The following TVP23A variants were observed in gnomAD, a reference collection of about 807,000 sequenced individuals.
TVP23A encodes trans-golgi network vesicle protein 23 homolog A.
Under a neutral mutation model 31.7 loss-of-function variants are expected in TVP23A, and 21 were observed. That is an observed-to-expected ratio of 0.66 (90% CI 0.47 to 0.95). The LOEUF (loss-of-function observed/expected upper bound fraction) is 0.95, where lower values mean the gene tolerates loss of function less well. Among genes scored for constraint, TVP23A ranks in the 40% least tolerant of loss-of-function variants. The pLI is 0.00. For missense variants in TVP23A, 279 were observed against 255.6 expected, an observed-to-expected ratio of 1.09 and a Z score of -0.62; for synonymous variants, 104 against 96.0, an observed-to-expected ratio of 1.08 and a Z score of -0.49.
chr16:10,808,582 G>A (rs1289282629), intron 2 of TVP23A: 4 of 454,924 alleles, frequency 8.8e-6, no homozygotes, highest in East Asian at 7.0e-5. Flanking sequence ...GGATCACTGA[G>A]GCTAGGAGTT....
At chr16:10,757,808 A>AT, downstream of TVP23A, 1 of 1,562,960 alleles carries the variant, frequency 6.4e-7, no homozygotes, top group Non-Finnish European at 8.7e-7. The surrounding 1 kb of genome is among the most constrained non-coding windows in gnomAD (Gnocchi z 4.1). Flanking sequence ...TAAAAAAAAA[A>AT]GAGGGAGTTG....
chr16:10,805,230 C>T (rs2033888873), intron 2 of TVP23A, among the ~76,000 whole-genome samples: 1 of 151,838 alleles, frequency 6.6e-6, no homozygotes, highest in African/African-American at 2.4e-5. Flanking sequence ...CAGGGTTTCA[C>T]CATGTTGGCT....
In TVP23A at chr16:10,792,658, G is replaced by A. The variant is rs1340098957; in HGVS notation, c.90-17562C>T. ...AGGTCCCTATAAACCCTTCAGGAACGCCGTGGGGCCTGCACTAACCCAGGG... is the reference window on the plus strand; with the variant it reads ...AGGTCCCTATAAACCCTTCAGGAACACCGTGGGGCCTGCACTAACCCAGGG... On this transcript the variant is annotated intron_variant, in intron 2 of 7. Coordinates refer to ENST00000299866, the MANE Select transcript of TVP23A (RefSeq NM_001079512.4). 6.6e-5 allele frequency among the ~76,000 whole-genome samples: 10 copies of A among 152,380 alleles called. No individual in the cohort carries two copies. In the East Asian group the frequency reaches 1.7e-3, roughly 26 times the overall value.
chr16:10,792,528 C>T (rs2033161721), intron 2 of TVP23A, among the ~76,000 whole-genome samples: 1 of 152,232 alleles, frequency 6.6e-6, no homozygotes, highest in African/African-American at 2.4e-5. Context: ...AGTGATTCTT[C>T]TGTGTGGGAC....
chr16:10,769,356 C>T (rs1401930638), intron 7 of TVP23A: 3 of 420,160 alleles, frequency 7.1e-6, no homozygotes, highest in Non-Finnish European at 1.3e-5. Context: ...AATCTCTCCC[C>T]CGAGGCCTGT....
At chr16:10,811,903 CAAAAAAA>C (rs763108313) in intron 2 of TVP23A, among the ~76,000 whole-genome samples, 3 of 42,286 alleles carry the variant, frequency 7.1e-5, no homozygotes, top group Admixed American at 4.7e-4. Context: ...GACTCCGTCT[CAAAAAAA>C]AAAAAAAAAA....
Position 10,787,030 on chromosome 16 carries a change from T to C in TVP23A, c.90-11934A>G, listed in dbSNP as rs374993102. ...AAAATTCCAGAAAGCAGGTCCTTTC[T>C]TCTGGGCTTACCAGTTCCTCTACAA... is the stretch of plus-strand genomic sequence containing the variant. On this transcript the variant is annotated intron_variant, in intron 2 of 7. Coordinates refer to ENST00000299866, the MANE Select transcript of TVP23A (RefSeq NM_001079512.4). 1.1e-4 allele frequency among the ~76,000 whole-genome samples: 16 copies of C among 152,196 alleles called. No individual in the cohort carries two copies. In the South Asian group the frequency reaches 3.3e-3, roughly 32 times the overall value.
chr16:10,779,178 G>A lies in TVP23A; in HGVS notation c.90-4082C>T, dbSNP rs1393817117. On this transcript the variant is annotated intron_variant, in intron 2 of 7. Transcript: ENST00000299866. The surrounding 1 kb of genome is among the most constrained non-coding windows in gnomAD (Gnocchi z 4.9). ...GCCCTGATTAACTCAATGGAAAGTG[G>A]TGTTACTCAAACAGAGTTCAAAGCC... 6.6e-6 allele frequency among the ~76,000 whole-genome samples: 1 copy of A among 152,124 alleles called. No individual in the cohort carries two copies. The highest frequency in any genetic ancestry group is 2.4e-5 in the African/African-American group (1 of 41,406).
chr16:10,760,259 G>A (rs945078710), downstream of TVP23A, among the ~76,000 whole-genome samples: 4 of 152,226 alleles, frequency 2.6e-5, no homozygotes, highest in African/African-American at 9.6e-5. Context: ...CCTTAGCCGT[G>A]CCACTGTGGC....
At chr16:10,774,891 A>G in intron 3 of TVP23A, 61 bp downstream of exon 3, 1 of 1,484,436 alleles carries the variant, frequency 6.7e-7, no homozygotes, top group Non-Finnish European at 9.3e-7. Flanking sequence ...TCTTGGTACC[A>G]CGCACACAGG....
chr16:10,774,884 T>G (rs1177228325), intron 3 of TVP23A, 68 bp downstream of exon 3: 1 of 1,442,526 alleles, frequency 6.9e-7, no homozygotes, highest in Non-Finnish European at 9.6e-7. Flanking sequence ...AAGTACCTCT[T>G]GGTACCACGC....
At chr16:10,785,613 G>A (rs1218916607) in intron 2 of TVP23A, among the ~76,000 whole-genome samples, 1 of 152,240 alleles carries the variant, frequency 6.6e-6, no homozygotes, top group African/African-American at 2.4e-5. Context: ...AACACACTCA[G>A]GAGATCCTGA....
At position 10,797,808 on chromosome 16, in the gene TVP23A, G is replaced by A. The variant is rs78347433; in HGVS notation, c.89+20295C>T. Among the ~76,000 whole-genome samples the A allele has an allele frequency of 7.5e-4, 114 of 152,048 alleles. 1 individual carries two copies. The Middle Eastern group carries it at 0.014, about 18-fold the overall frequency. On this transcript the variant is annotated intron_variant, in intron 2 of 7. Coordinates refer to ENST00000299866, the MANE Select transcript of TVP23A (RefSeq NM_001079512.4). ...CTCTGTGGTTTGCTTCAAAATGATCGGGGGAAGGTGAAAAGCTGGGATAGA... is the reference window on the plus strand; with the variant it reads ...CTCTGTGGTTTGCTTCAAAATGATCAGGGGAAGGTGAAAAGCTGGGATAGA...
intron 2 of TVP23A, among the ~76,000 whole-genome samples, chr16:10,807,439 C>T (rs187115549): frequency 3.3e-4 from 51 of 152,312 alleles, no homozygotes; most frequent in Admixed American, 3.1e-3. Flanking sequence ...CAAATCCAAA[C>T]CCCAGACAGA....
chr16:10,761,865 T>TG (rs778927790), downstream of TVP23A: 1 of 1,610,838 alleles, frequency 6.2e-7, no homozygotes, highest in Non-Finnish European at 8.5e-7. Flanking sequence ...CATAGGTGGG[T>TG]GACCCCAGTG....
At position 10,769,130 on chromosome 16, in the gene TVP23A, C is replaced by T. The variant is rs920620743; in HGVS notation, c.*1-29G>A. 3 of 1,611,394 alleles carry T rather than the reference C, an allele frequency of 1.9e-6. No homozygotes were observed. The African/African-American group carries it at 4.0e-5, about 22-fold the overall frequency. On this transcript the variant is annotated intron_variant, in intron 7 of 7. Coordinates refer to ENST00000299866, the MANE Select transcript of TVP23A (RefSeq NM_001079512.4). The stretch of plus-strand genomic sequence containing the variant: ...AAACGAGAGAATGTTCAGGACCAAG[C>T]AGTTACCGAGCGAGGCACTCACTGG...
At position 10,777,772 on chromosome 16, in the gene TVP23A, G is replaced by C. The variant is rs1421813871; in HGVS notation, c.90-2676C>G. 1.3e-5 allele frequency among the ~76,000 whole-genome samples: 2 copies of C among 152,200 alleles called. No individual in the cohort carries two copies. Among genetic ancestry groups the C allele is most frequent in the African/African-American group, 2.4e-5 (1 of 41,454 alleles). ...CACGCCTGTAATCCCAGCACTTTGG[G>C]AGGCTGAGGCAGGTGGATCACGAGG... is the stretch of plus-strand genomic sequence containing the variant. On this transcript the variant is annotated intron_variant, in intron 2 of 7. Transcript: ENST00000299866. The surrounding 1 kb of genome is among the most constrained non-coding windows in gnomAD (Gnocchi z 4.5).
At position 10,777,131 on chromosome 16, in the gene TVP23A, C is replaced by T. The variant is rs561593011; in HGVS notation, c.90-2035G>A. Among the ~76,000 whole-genome samples the T allele has an allele frequency of 6.6e-6, 1 of 152,178 alleles. No individual in the cohort carries two copies. The highest frequency in any genetic ancestry group is 1.9e-4 in the East Asian group (1 of 5,178). ...GTTGCTCTGGTTCACACGCCTCTGA[C>T]ACAGTGATGGATGAGAATGAAACCC... On this transcript the variant is annotated intron_variant, in intron 2 of 7. Coordinates refer to ENST00000299866, the MANE Select transcript of TVP23A (RefSeq NM_001079512.4). This position sits in a 1 kb window ranked among gnomAD's most constrained non-coding sequence, Gnocchi z 4.5.
chr16:10,810,424 G>A (rs1317746692), intron 2 of TVP23A, among the ~76,000 whole-genome samples: 2 of 151,936 alleles, frequency 1.3e-5, no homozygotes, highest in African/African-American at 2.4e-5. Flanking sequence ...GTGCATGCCT[G>A]TAGTCCCAGC....
Sources: allele counts gnomAD v4.1 joint callset (sites outside exome capture counted in the v4.1 genomes callset), GRCh38; gene constraint gnomAD v4.1.1; non-coding constraint Gnocchi (gnomAD v3.1); transcripts MANE v1.5; gene names NCBI Gene and HGNC (gene_info 2026-07-23, HGNC 2026-07-21).